The following SHANK2 variants were observed in gnomAD, a reference collection of about 807,000 sequenced individuals.
The protein encoded by SHANK2 is SH3 and multiple ankyrin repeat domains 2.
A neutral mutation model predicts 133.7 loss-of-function variants in SHANK2; 43 were observed. That is an observed-to-expected ratio of 0.32 (90% confidence interval 0.25 to 0.41). The LOEUF (loss-of-function observed/expected upper bound fraction) is 0.41, where lower values mean the gene tolerates loss of function less well. Among genes scored for constraint, SHANK2 ranks in the 10% least tolerant of loss-of-function variants. The pLI is 1.00. For synonymous variants in SHANK2, 1,017 were observed against 952.8 expected, an observed-to-expected ratio of 1.07 and a Z score of -1.24; for missense variants, 1,994 against 2,235.8, an observed-to-expected ratio of 0.89 and a Z score of 2.18.
intron 8 of SHANK2, among the ~76,000 whole-genome samples, chr11:71,087,350 G>A (rs994940314): frequency 2.0e-5 from 3 of 152,206 alleles, no homozygotes; most frequent in Non-Finnish European, 4.4e-5. Flanking sequence ...AAGGAGGGGT[G>A]TGGGAGGGGA....
chr11:70,834,801 C>T lies in SHANK2; in HGVS notation c.1175-14119G>A, dbSNP rs1245727810. On this transcript the variant is annotated intron_variant, in intron 11 of 25. Coordinates refer to ENST00000601538, the MANE Select transcript of SHANK2 (RefSeq NM_012309.5). ...ACTGGAGTCATTGAGGGAAGCTTTG[C>T]TCCTGCAGGATCGAGGGAGGCCCGT... 3.9e-5 allele frequency among the ~76,000 whole-genome samples: 6 copies of T among 152,192 alleles called. No individual in the cohort carries two copies. In the East Asian group the frequency reaches 9.6e-4, roughly 24 times the overall value.
At chr11:71,085,505 T>C (rs1156731529) in intron 8 of SHANK2, among the ~76,000 whole-genome samples, 2 of 117,726 alleles carry the variant, frequency 1.7e-5, no homozygotes, top group Non-Finnish European at 3.3e-5. Context: ...ATAATATATA[T>C]GTTATATTAT....
intron 14 of SHANK2, among the ~76,000 whole-genome samples, chr11:70,760,917 T>A (rs1051601633): frequency 6.6e-6 from 1 of 152,136 alleles, no homozygotes; most frequent in East Asian, 1.9e-4. Flanking sequence ...CAGAGCCATG[T>A]TTGCAGGGCT....
intron 14 of SHANK2, 73 bp downstream of exon 14, chr11:70,798,370 C>A (rs569476342): frequency 1.4e-6 from 1 of 705,592 alleles, no homozygotes; most frequent in East Asian, 2.7e-5. Flanking sequence ...AATCTTGCCA[C>A]GGACAACACC....
chr11:71,078,196 G>T lies in SHANK2; in HGVS notation c.913-2921C>A, dbSNP rs1015292011. 1.7e-3 allele frequency among the ~76,000 whole-genome samples: 263 copies of T among 152,028 alleles called. 1 individual carries two copies. The highest frequency in any genetic ancestry group is 6.0e-3 in the African/African-American group (248 of 41,466). On this transcript the variant is annotated intron_variant, in intron 8 of 25. Transcript: ENST00000601538. Reference sequence around the variant, plus strand: ...GTAAAAAAAAAAAAAAAATCAATGGGGCTGTGTCCCAAGGACACAGGAGCC... The same window carrying T: ...GTAAAAAAAAAAAAAAAATCAATGGTGCTGTGTCCCAAGGACACAGGAGCC...
At chr11:70,656,978 G>A (rs569739000) in intron 17 of SHANK2, among the ~76,000 whole-genome samples, 7 of 152,298 alleles carry the variant, frequency 4.6e-5, no homozygotes, top group East Asian at 3.9e-4. Flanking sequence ...TGGCCACGTC[G>A]GGGCATTCTC....
intron 4 of SHANK2, among the ~76,000 whole-genome samples, chr11:71,116,516 G>A (rs1467815632): frequency 1.3e-5 from 2 of 152,254 alleles, no homozygotes; most frequent in African/African-American, 4.8e-5. Context: ...GGGAGGCCCA[G>A]GAGCTTGTGG....
chr11:70,910,339 G>A (rs958900698), intron 10 of SHANK2, among the ~76,000 whole-genome samples: 2 of 152,192 alleles, frequency 1.3e-5, no homozygotes, highest in Non-Finnish European at 2.9e-5. Context: ...GGTGTCTGAG[G>A]CCTGCACAAG....
chr11:70,694,431 G>T (rs1356007178), intron 15 of SHANK2, among the ~76,000 whole-genome samples: 1 of 152,220 alleles, frequency 6.6e-6, no homozygotes, highest in East Asian at 1.9e-4. Context: ...TTCAGAAAAT[G>T]TCTCCACTGA....
chr11:70,933,227 A>G (rs1468217655), intron 10 of SHANK2: 1 of 456,380 alleles, frequency 2.2e-6, no homozygotes, highest in Non-Finnish European at 4.4e-6. Context: ...ACATGGAGGA[A>G]CCTTGAGGAC....
chr11:70,771,520 G>A (rs986970661), intron 14 of SHANK2, among the ~76,000 whole-genome samples: 1 of 152,214 alleles, frequency 6.6e-6, no homozygotes, highest in African/African-American at 2.4e-5. Flanking sequence ...GGTGAAGGGA[G>A]CAGCTGGGCT....
chr11:70,477,154 C>T (rs782702791), intron 25 of SHANK2: 2 of 152,104 alleles, frequency 1.3e-5, no homozygotes, highest in African/African-American at 4.8e-5. Context: ...GCACTTACTT[C>T]TGTTCAGCAC....
chr11:70,903,269 C>T (rs1384258960), intron 10 of SHANK2, among the ~76,000 whole-genome samples: 2 of 151,810 alleles, frequency 1.3e-5, no homozygotes, highest in African/African-American at 2.4e-5. Flanking sequence ...CCCAGCTACT[C>T]GGGAGTCCGA....
At chr11:70,624,531 T>TAA (rs1554999183) in intron 17 of SHANK2, among the ~76,000 whole-genome samples, 1 of 126,190 alleles carries the variant, frequency 7.9e-6, no homozygotes. Flanking sequence ...ACAACCTTCT[T>TAA]CAAAAAAAAA....
chr11:70,654,745 C>T (rs1482803637), intron 17 of SHANK2, among the ~76,000 whole-genome samples: 2 of 150,946 alleles, frequency 1.3e-5, no homozygotes, highest in Admixed American at 1.3e-4. Flanking sequence ...ACTGTAATTG[C>T]TACCTGGTTT....
At chr11:70,605,596 C>G (rs1410208565) in intron 17 of SHANK2, among the ~76,000 whole-genome samples, 4 of 152,216 alleles carry the variant, frequency 2.6e-5, no homozygotes, top group African/African-American at 9.6e-5. Flanking sequence ...CTCTACTGAC[C>G]GCTCAGTGAA....
At chr11:70,599,333 C>T (rs912046929) in intron 17 of SHANK2, among the ~76,000 whole-genome samples, 22 of 152,026 alleles carry the variant, frequency 1.4e-4, no homozygotes, top group African/African-American at 3.6e-4. Context: ...GTAGGCAGGG[C>T]GCAGTGGCTC....
chr11:70,822,616 A>G (rs1948548824), intron 11 of SHANK2, among the ~76,000 whole-genome samples: 1 of 146,478 alleles, frequency 6.8e-6, no homozygotes, highest in Non-Finnish European at 1.5e-5. Context: ...GGCAGAGTTC[A>G]CGGGGGACAG....
intron 14 of SHANK2, among the ~76,000 whole-genome samples, chr11:70,734,994 G>A (rs547755923): frequency 1.2e-4 from 18 of 152,328 alleles, no homozygotes; most frequent in African/African-American, 3.6e-4. Flanking sequence ...CCCAGGCCTC[G>A]GCGGCTGTAG....
Sources: gnomAD v4.1 joint callset for allele counts (sites outside exome capture counted in the v4.1 genomes callset) on GRCh38, gnomAD v4.1.1 for gene constraint, MANE v1.5 for transcripts, NCBI Gene and HGNC (gene_info 2026-07-23, HGNC 2026-07-21) for gene names.